Variants in LRP1B observed in about 807,000 individuals in gnomAD.
LRP1B encodes the protein LDL receptor related protein 1B.
A neutral mutation model predicts 556.6 loss-of-function variants in LRP1B; 217 were observed. That is an observed-to-expected ratio of 0.39 (90% CI 0.35 to 0.44). The LOEUF is 0.44. Ranked by LOEUF, LRP1B falls within the 20% of genes least tolerant of loss-of-function variation. LRP1B has a pLI of 1.00. For missense variants in LRP1B, 5,053 were observed against 5,620.8 expected (o/e 0.90, Z 3.23); for synonymous variants, 2,047 against 1,865.8 (o/e 1.10, Z -2.50).
chr2:141,429,786 C>T (rs1680499713), intron 3 of LRP1B, among the ~76,000 whole-genome samples: 1 of 152,122 alleles, frequency 6.6e-6, no homozygotes, highest in Admixed American at 6.5e-5. Flanking sequence ...ATAATGGCCT[C>T]CTGCTCCATC....
At chr2:141,371,443 G>C (rs1327474070) in intron 3 of LRP1B, among the ~76,000 whole-genome samples, 5 of 152,204 alleles carry the variant, frequency 3.3e-5, no homozygotes, top group African/African-American at 1.2e-4. Flanking sequence ...AGATTACATT[G>C]AACCTGTAGA....
At chr2:141,524,652 T>C (rs1211871600) in intron 2 of LRP1B, among the ~76,000 whole-genome samples, 1 of 152,026 alleles carries the variant, frequency 6.6e-6, no homozygotes, top group Non-Finnish European at 1.5e-5. Flanking sequence ...TGGCCCAGGG[T>C]AGCCAAAAGA....
chr2:140,799,352 G>GT (rs1271882387), intron 32 of LRP1B, among the ~76,000 whole-genome samples: 1 of 152,036 alleles, frequency 6.6e-6, no homozygotes, highest in Non-Finnish European at 1.5e-5. Context: ...TTCTTGATGT[G>GT]TAAGAACCCG....
chr2:141,049,000 G>A lies in LRP1B; in HGVS notation c.1775C>T (p.Thr592Ile), dbSNP rs2105445450. 1 of 1,612,218 alleles carries A rather than the reference G, an allele frequency of 6.2e-7. No individual in the cohort carries two copies. The highest frequency in any genetic ancestry group is 1.1e-5 in the South Asian group (1 of 91,042). Reference sequence around the variant, plus strand: ...GTGTCACTTACCATCTTTCAGGATGGTTTCTCTCTCTGTGCCATCTATCTT... The same window carrying A: ...GTGTCACTTACCATCTTTCAGGATGATTTCTCTCTCTGTGCCATCTATCTT... ...RQKIDGTERE[T>I]ILKDDLDNVE... Residue 592 changes from threonine (T) to isoleucine (I), a missense_variant, in exon 11 of 91, where the codon ACC (threonine) becomes ATC (isoleucine). Coordinates refer to ENST00000389484, the MANE Select transcript of LRP1B (RefSeq NM_018557.3).
At chr2:141,878,402 C>T (rs1574456333) in intron 1 of LRP1B, among the ~76,000 whole-genome samples, 1 of 151,530 alleles carries the variant, frequency 6.6e-6, no homozygotes, top group African/African-American at 2.4e-5. Context: ...CACATGCACA[C>T]ACACAAACTC....
chr2:140,988,700 T>G (rs1697001549), intron 17 of LRP1B, among the ~76,000 whole-genome samples: 1 of 152,128 alleles, frequency 6.6e-6, no homozygotes, highest in South Asian at 2.1e-4. Context: ...CACTGGTAAT[T>G]TATAACACTT....
chr2:140,945,692 A>G (rs1450458656), intron 20 of LRP1B, among the ~76,000 whole-genome samples: 1 of 151,704 alleles, frequency 6.6e-6, no homozygotes, highest in Non-Finnish European at 1.5e-5. Flanking sequence ...ATTACTATAT[A>G]CAAAAAAAAA....
At chr2:140,382,790 T>A (rs1683577742) in intron 67 of LRP1B, among the ~76,000 whole-genome samples, 1 of 152,102 alleles carries the variant, frequency 6.6e-6, no homozygotes, top group African/African-American at 2.4e-5. Flanking sequence ...AAAAGTGACT[T>A]TAAATTATGT....
chr2:140,714,056 T>C (rs1164522568), intron 37 of LRP1B, among the ~76,000 whole-genome samples: 2 of 152,180 alleles, frequency 1.3e-5, no homozygotes, highest in Non-Finnish European at 2.9e-5. Context: ...AAAATAAGTC[T>C]TTACAAAGTG....
chr2:141,008,139 T>G lies in LRP1B; in HGVS notation c.2381-2682A>C, dbSNP rs907152957. 1.6e-4 allele frequency among the ~76,000 whole-genome samples: 25 copies of G among 151,536 alleles called. No homozygotes were observed. In the East Asian group the frequency reaches 3.7e-3, roughly 22 times the overall value. ...ATATCCTCTTTAAAACATGTTTAAG[T>G]AACTACAAATATGGTGCTAAAAATT... is the stretch of plus-strand genomic sequence containing the variant. On this transcript the variant is annotated intron_variant, in intron 14 of 90. Coordinates refer to ENST00000389484, the MANE Select transcript of LRP1B (RefSeq NM_018557.3).
intron 43 of LRP1B, among the ~76,000 whole-genome samples, chr2:140,593,717 T>A (rs898699175): frequency 6.6e-6 from 1 of 152,074 alleles, no homozygotes; most frequent in Admixed American, 6.5e-5. Flanking sequence ...TAAAACAGAA[T>A]AATAAAACTC....
chr2:141,428,919 C>T (rs1680469505), intron 3 of LRP1B, among the ~76,000 whole-genome samples: 1 of 152,124 alleles, frequency 6.6e-6, no homozygotes, highest in South Asian at 2.1e-4. Flanking sequence ...ACTTCATGCT[C>T]CTTGAATTAA....
chr2:140,800,812 G>A (rs1478716118), intron 32 of LRP1B, among the ~76,000 whole-genome samples: 2 of 151,886 alleles, frequency 1.3e-5, no homozygotes, highest in Non-Finnish European at 2.9e-5. Context: ...ATATACATAT[G>A]TACATGTAGT....
chr2:140,964,512 C>A (rs947119695), intron 18 of LRP1B, among the ~76,000 whole-genome samples: 8 of 151,894 alleles, frequency 5.3e-5, no homozygotes, highest in African/African-American at 1.9e-4. Flanking sequence ...TCTTCCCAGA[C>A]GCTGATGTCA....
At chr2:141,521,719 A>T (rs1370372117) in intron 2 of LRP1B, among the ~76,000 whole-genome samples, 1 of 152,046 alleles carries the variant, frequency 6.6e-6, no homozygotes, top group Non-Finnish European at 1.5e-5. Context: ...GAAAATTAAC[A>T]TTTAGTGAAA....
At chr2:140,254,785 C>T (rs1478026900) in intron 86 of LRP1B, among the ~76,000 whole-genome samples, 3 of 152,120 alleles carry the variant, frequency 2.0e-5, no homozygotes, top group East Asian at 1.9e-4. Flanking sequence ...AACTCCTGAC[C>T]TCGTGATCCT....
chr2:141,144,824 G>A (rs75518785), intron 7 of LRP1B, among the ~76,000 whole-genome samples: 5,738 of 152,274 alleles, frequency 0.038, 125 homozygotes, highest in Non-Finnish European at 0.041. Flanking sequence ...TAACTGGTCA[G>A]TAATGTCAAT....
intron 20 of LRP1B, among the ~76,000 whole-genome samples, chr2:140,937,213 T>C (rs964641121): frequency 4.6e-5 from 7 of 151,942 alleles, no homozygotes; most frequent in African/African-American, 1.7e-4. Context: ...AAAGGGCACA[T>C]AGGAAACAAA....
intron 1 of LRP1B, among the ~76,000 whole-genome samples, chr2:141,838,537 C>A (rs1230361779): frequency 6.6e-6 from 1 of 152,174 alleles, no homozygotes; most frequent in Non-Finnish European, 1.5e-5. Flanking sequence ...TTATTAAATA[C>A]ATCTCCACTT....
Sources: gnomAD v4.1 joint callset for allele counts (sites outside exome capture counted in the v4.1 genomes callset) on GRCh38, gnomAD v4.1.1 for gene constraint, MANE v1.5 for transcripts, NCBI Gene and HGNC (gene_info 2026-07-23, HGNC 2026-07-21) for gene names.